Variants in PPP1R9A observed in about 807,000 individuals in gnomAD.
PPP1R9A encodes protein phosphatase 1 regulatory subunit 9A, also known as neurabin-1.
PPP1R9A carries 59 observed loss-of-function variants against 141.9 expected under a neutral mutation model. The ratio of observed to expected loss-of-function variants is 0.42; its 90% CI spans 0.34 to 0.52. The LOEUF (loss-of-function observed/expected upper bound fraction) is 0.52. Ranked by LOEUF, PPP1R9A falls within the 20% of genes least tolerant of loss-of-function variation. The pLI is 0.10. For missense variants in PPP1R9A, 1,444 were observed against 1,611.9 expected, an observed-to-expected ratio of 0.90 and a Z score of 1.78; for synonymous variants, 500 against 569.7, an observed-to-expected ratio of 0.88 and a Z score of 1.74.
rs1368637100 is a variant in PPP1R9A at position 95,295,007 on chromosome 7, A to G, written c.*4704A>G. On this transcript the variant is annotated 3_prime_UTR_variant, in exon 20 of 20. Transcript: ENST00000433360. The stretch of plus-strand genomic sequence containing the variant: ...CAACCCCAAAACTGCTAGGGATTCA[A>G]CAGTGAGTAAGATGTATGCAATAAG... 6.6e-6 allele frequency: 1 copy of G among 152,664 alleles called. No homozygotes were observed. Among genetic ancestry groups the G allele is most frequent in the Non-Finnish European group, 1.5e-5 (1 of 68,048 alleles). 9.5% of individuals were successfully genotyped at this position (152,664 alleles called of 1,614,324 possible). A position where few individuals can be genotyped will look rare whatever the true frequency, so the allele number is the denominator to read the frequency against.
At chr7:95,186,658 A>G (rs555132738) in intron 5 of PPP1R9A, among the ~76,000 whole-genome samples, 2 of 152,250 alleles carry the variant, frequency 1.3e-5, no homozygotes, top group South Asian at 2.1e-4. Flanking sequence ...TGGGTTTGTC[A>G]TAGATGGCTT....
intron 16 of PPP1R9A, among the ~76,000 whole-genome samples, chr7:95,274,675 C>T (rs868656420): frequency 6.6e-6 from 1 of 152,148 alleles, no homozygotes; most frequent in South Asian, 2.1e-4. Context: ...TATGCTTAGT[C>T]TTCAGTAAAG....
At position 95,118,062 on chromosome 7, in the gene PPP1R9A, C is replaced by T. The variant is rs551997202; in HGVS notation, c.1529-2650C>T. On this transcript the variant is annotated intron_variant, in intron 3 of 19. Transcript: ENST00000433360. ...GAAACCCTATGAATGTGACGAATGT[C>T]AATAAGAATTCAGCTATCCGCTAAC... Among the ~76,000 whole-genome samples the T allele has an allele frequency of 1.3e-3, 199 of 152,200 alleles. 1 individual carries two copies. Among genetic ancestry groups the T allele is most frequent in the African/African-American group, 4.6e-3 (193 of 41,536 alleles).
intron 2 of PPP1R9A, among the ~76,000 whole-genome samples, chr7:94,919,352 C>G (rs1792503016): frequency 8.9e-6 from 1 of 112,852 alleles, no homozygotes; most frequent in Non-Finnish European, 1.7e-5. Context: ...GCTATATTGT[C>G]TAGGCTGGTC....
chr7:95,228,568 A>G (rs1795468109), intron 8 of PPP1R9A, among the ~76,000 whole-genome samples: 1 of 152,142 alleles, frequency 6.6e-6, no homozygotes, highest in Admixed American at 6.6e-5. Context: ...ATTTTTCTTC[A>G]GTGCAATACT....
At chr7:95,162,101 T>A (rs1830543551) in intron 5 of PPP1R9A, 130 bp downstream of exon 5, 1 of 519,008 alleles carries the variant, frequency 1.9e-6, no homozygotes. Context: ...TGCTTTTAGT[T>A]TTAAATATTT....
chr7:94,971,860 T>C (rs1798890458), intron 2 of PPP1R9A, among the ~76,000 whole-genome samples: 1 of 152,242 alleles, frequency 6.6e-6, no homozygotes, highest in Non-Finnish European at 1.5e-5. Context: ...TTAAATTGGT[T>C]AGGATATAAG....
At chr7:95,019,202 C>T (rs1427540397) in intron 2 of PPP1R9A, among the ~76,000 whole-genome samples, 2 of 152,110 alleles carry the variant, frequency 1.3e-5, no homozygotes, top group Admixed American at 1.3e-4. Context: ...CGAGACCAGC[C>T]TGGCTAACAT....
At chr7:95,161,140 G>C (rs559907635) in intron 4 of PPP1R9A, among the ~76,000 whole-genome samples, 7 of 152,198 alleles carry the variant, frequency 4.6e-5, no homozygotes, top group African/African-American at 1.7e-4. Context: ...CCTCCCAATA[G>C]TGGATAAGCA....
At chr7:95,144,120 G>T (rs1388216812) in intron 4 of PPP1R9A, among the ~76,000 whole-genome samples, 1 of 151,902 alleles carries the variant, frequency 6.6e-6, no homozygotes, top group Admixed American at 6.6e-5. Context: ...ATAACAGAAA[G>T]TTTCTACTCT....
At chr7:95,009,177 G>A (rs150054067) in intron 2 of PPP1R9A, among the ~76,000 whole-genome samples, 2,639 of 152,284 alleles carry the variant, frequency 0.017, 34 homozygotes, top group Middle Eastern at 0.031. Context: ...GGGAGGGATA[G>A]CATTAGAAGA....
chr7:95,144,846 A>G (rs977208691), intron 4 of PPP1R9A, among the ~76,000 whole-genome samples: 1 of 152,304 alleles, frequency 6.6e-6, no homozygotes, highest in East Asian at 1.9e-4. Context: ...GCATGCACCA[A>G]AATTTGTTAG....
intron 2 of PPP1R9A, among the ~76,000 whole-genome samples, chr7:95,084,282 G>A (rs1208041248): frequency 2.0e-5 from 3 of 151,954 alleles, no homozygotes; most frequent in Non-Finnish European, 2.9e-5. Context: ...ATATACCTAA[G>A]GGCAGAGAAC....
intron 2 of PPP1R9A, among the ~76,000 whole-genome samples, chr7:95,095,641 G>T (rs1005371986): frequency 3.3e-5 from 5 of 152,136 alleles, no homozygotes; most frequent in African/African-American, 1.2e-4. Context: ...TGCAGTTCCT[G>T]GAGAAGTCTA....
At chr7:95,068,473 G>GAAAAAAAAAAAAAAAAAAAAAAAAAA (rs36043693) in intron 2 of PPP1R9A, among the ~76,000 whole-genome samples, 1 of 94,228 alleles carries the variant, frequency 1.1e-5, no homozygotes, top group African/African-American at 4.1e-5. Flanking sequence ...CTTGTCTCAA[G>GAAAAAAAAAAAAAAAAAAAAAAAAAA]AAAAAAAAAA....
chr7:95,220,083 A>G lies in PPP1R9A; in HGVS notation c.1957-5878A>G, dbSNP rs139727907. Among the ~76,000 whole-genome samples, 23 of 152,258 alleles carry G rather than the reference A, an allele frequency of 1.5e-4. No homozygotes were observed. In the East Asian group the frequency reaches 4.1e-3, roughly 27 times the overall value. On this transcript the variant is annotated intron_variant, in intron 7 of 19. Coordinates refer to ENST00000433360, the MANE Select transcript of PPP1R9A (RefSeq NM_001166160.2). ...TTATTTCCATTTTATAGATGAGGAA[A>G]CAACATTCAAAGAGACTAAGTGTAC...
At chr7:95,226,893 A>G (rs1218997257) in intron 8 of PPP1R9A, among the ~76,000 whole-genome samples, 3 of 152,198 alleles carry the variant, frequency 2.0e-5, no homozygotes, top group Non-Finnish European at 2.9e-5. Context: ...TGACACATGT[A>G]AAACAGAAAC....
intron 2 of PPP1R9A, among the ~76,000 whole-genome samples, chr7:95,089,016 A>G (rs1202126046): frequency 6.6e-6 from 1 of 152,056 alleles, no homozygotes; most frequent in Non-Finnish European, 1.5e-5. Flanking sequence ...AGGTCAACTT[A>G]CTTAAGATAA....
chr7:95,141,944 A>T (rs1157455252), intron 4 of PPP1R9A, among the ~76,000 whole-genome samples: 2 of 152,082 alleles, frequency 1.3e-5, no homozygotes, highest in East Asian at 3.9e-4. Flanking sequence ...TTGAGCAACT[A>T]CTAGAGTGGT....
Sources: allele counts gnomAD v4.1 joint callset (sites outside exome capture counted in the v4.1 genomes callset), GRCh38; gene constraint gnomAD v4.1.1; transcripts MANE v1.5; gene names NCBI Gene and HGNC (gene_info 2026-07-23, HGNC 2026-07-21).